Variants in TCF12 observed in about 807,000 individuals in gnomAD.
TCF12 encodes the protein transcription factor 12.
In TCF12, 45 loss-of-function variants were observed where a neutral mutation model predicts 86.0. The observed-to-expected ratio is 0.52, with a 90% CI of 0.41 to 0.67. TCF12 has a LOEUF of 0.67. TCF12 is among the 30% of genes least tolerant of loss of function. The probability of loss-of-function intolerance (pLI) is 0.00; values close to 1 mark genes in which losing one functional copy is unlikely to be tolerated. For synonymous variants in TCF12, 330 were observed against 299.6 expected, an observed-to-expected ratio of 1.10 and a Z score of -1.05; for missense variants, 881 against 859.9, an observed-to-expected ratio of 1.02 and a Z score of -0.31.
At chr15:57,199,427 G>A (rs1344051873) in intron 8 of TCF12, among the ~76,000 whole-genome samples, 1 of 152,032 alleles carries the variant, frequency 6.6e-6, no homozygotes, top group Admixed American at 6.6e-5. Flanking sequence ...TTAATATTTA[G>A]TAGAACTATA....
In TCF12 at chr15:57,019,168, A is replaced by C. The variant is rs576751309; in HGVS notation, c.149-44582A>C. Among the ~76,000 whole-genome samples the C allele has an allele frequency of 5.3e-5, 8 of 152,364 alleles. No homozygotes were observed. In the East Asian group the frequency reaches 1.3e-3, roughly 26 times the overall value. On this transcript the variant is annotated intron_variant, in intron 3 of 20. Transcript: ENST00000333725. Reference sequence around the variant, plus strand: ...GGTAGCCAGCACTGGCTAAAGTGCAACTTGTTAGCAGACAATATTGAAGGT... The same window carrying C: ...GGTAGCCAGCACTGGCTAAAGTGCACCTTGTTAGCAGACAATATTGAAGGT...
chr15:57,249,007 C>T (rs562712349), intron 13 of TCF12, among the ~76,000 whole-genome samples: 4 of 152,084 alleles, frequency 2.6e-5, no homozygotes, highest in South Asian at 2.1e-4. Flanking sequence ...GCTTCTGTTA[C>T]GGGGGGGCTT....
At chr15:56,922,306 T>C (rs2059829936) in intron 3 of TCF12, among the ~76,000 whole-genome samples, 2 of 152,030 alleles carry the variant, frequency 1.3e-5, no homozygotes, top group African/African-American at 4.8e-5. Context: ...AGTCTTGATA[T>C]TACTGTTGCC....
chr15:56,967,520 A>C (rs2062063949), intron 3 of TCF12, among the ~76,000 whole-genome samples: 1 of 152,098 alleles, frequency 6.6e-6, no homozygotes, highest in African/African-American at 2.4e-5. Flanking sequence ...GTATCTGTTT[A>C]ATTCATTGAG....
At chr15:57,121,912 A>T (rs2051260683) in intron 5 of TCF12, among the ~76,000 whole-genome samples, 1 of 152,172 alleles carries the variant, frequency 6.6e-6, no homozygotes, top group Non-Finnish European at 1.5e-5. Flanking sequence ...TATATAACTT[A>T]CTAGGTTGTC....
At chr15:56,947,423 C>T (rs1389975442) in intron 3 of TCF12, among the ~76,000 whole-genome samples, 2 of 152,124 alleles carry the variant, frequency 1.3e-5, no homozygotes, top group Non-Finnish European at 1.5e-5. Context: ...TTCCAGCTGC[C>T]TTTTCCTCCC....
intron 3 of TCF12, among the ~76,000 whole-genome samples, chr15:56,993,098 T>G (rs1175608258): frequency 2.0e-5 from 3 of 152,154 alleles, no homozygotes; most frequent in African/African-American, 7.2e-5. Flanking sequence ...TACCATTTTT[T>G]TTTTCTTCCA....
chr15:57,254,297 CTTGT>C (rs2060246974), intron 16 of TCF12, among the ~76,000 whole-genome samples: 1 of 152,124 alleles, frequency 6.6e-6, no homozygotes. Flanking sequence ...ATGCTGAAGG[CTTGT>C]ATTCTGTAAG....
At chr15:56,962,560 A>T (rs1567171713) in intron 3 of TCF12, among the ~76,000 whole-genome samples, 1 of 152,188 alleles carries the variant, frequency 6.6e-6, no homozygotes. Flanking sequence ...AAAGACTAGA[A>T]TGTAATTATG....
At chr15:57,204,665 A>C (rs755585958) in intron 8 of TCF12, among the ~76,000 whole-genome samples, 1 of 152,282 alleles carries the variant, frequency 6.6e-6, no homozygotes, top group East Asian at 1.9e-4. Context: ...CTGCTAGACC[A>C]TGTCTAATAA....
chr15:57,007,833 TTTC>T (rs2064526849), intron 3 of TCF12, among the ~76,000 whole-genome samples: 1 of 145,682 alleles, frequency 6.9e-6, no homozygotes, highest in Non-Finnish European at 1.5e-5. Context: ...TCTTTCTTTC[TTTC>T]TTTCTCTCTT....
At chr15:57,187,175 CAA>C (rs55886942) in intron 6 of TCF12, among the ~76,000 whole-genome samples, 356 of 141,056 alleles carry the variant, frequency 2.5e-3, no homozygotes, top group Middle Eastern at 3.6e-3. Flanking sequence ...AGACTGTCTC[CAA>C]AAAAAAAAAA....
upstream of TCF12, chr15:56,918,189 G>A (rs926057614): frequency 6.6e-6 from 3 of 456,196 alleles, no homozygotes; most frequent in Middle Eastern, 3.3e-4. Context: ...GCTTAGGGTG[G>A]CGTCCAGCGT....
chr15:57,257,534 A>AC (rs2060400127), intron 16 of TCF12, among the ~76,000 whole-genome samples: 1 of 152,036 alleles, frequency 6.6e-6, no homozygotes, highest in Non-Finnish European at 1.5e-5. Context: ...GGTGGCATAC[A>AC]CCAGTGGTCC....
chr15:57,064,355 C>CTT (rs1265944644), intron 4 of TCF12, among the ~76,000 whole-genome samples: 1 of 152,030 alleles, frequency 6.6e-6, no homozygotes, highest in Admixed American at 6.6e-5. Context: ...GGTTAGAGCC[C>CTT]TTTCCAGCAA....
At chr15:57,147,567 G>GA (rs1264521657) in intron 5 of TCF12, among the ~76,000 whole-genome samples, 300 of 151,234 alleles carry the variant, frequency 2.0e-3, no homozygotes, top group African/African-American at 6.5e-3. Flanking sequence ...ATGTTCTAGG[G>GA]AAAAAAAACA....
chr15:56,996,179 A>C (rs181499873), intron 3 of TCF12, among the ~76,000 whole-genome samples: 16 of 152,198 alleles, frequency 1.1e-4, no homozygotes, highest in Admixed American at 9.8e-4. Context: ...TGGGGGATTC[A>C]GTTTGGTAGT....
intron 5 of TCF12, among the ~76,000 whole-genome samples, chr15:57,151,270 C>A (rs1316482447): frequency 1.3e-5 from 2 of 151,612 alleles, no homozygotes; most frequent in Admixed American, 6.6e-5. Context: ...TGTGAGCCAC[C>A]ACACCCAGCC....
chr15:57,193,607 A>G (rs1343376312), intron 7 of TCF12, among the ~76,000 whole-genome samples: 2 of 152,262 alleles, frequency 1.3e-5, no homozygotes, highest in Admixed American at 6.5e-5. Context: ...TTTTTAAATT[A>G]AAAGTGGGCC....
Sources: allele counts gnomAD v4.1 joint callset (sites outside exome capture counted in the v4.1 genomes callset), GRCh38; gene constraint gnomAD v4.1.1; transcripts MANE v1.5; gene names NCBI Gene and HGNC (gene_info 2026-07-23, HGNC 2026-07-21).